FAM186B: variants seen among roughly 807,000 people sequenced by gnomAD.
The protein encoded by FAM186B is family with sequence similarity 186 member B, also known as protein FAM186B.
In FAM186B, 68 loss-of-function variants were observed where a neutral mutation model predicts 83.4. The ratio of observed to expected loss-of-function variants is 0.81; its 90% CI spans 0.67 to 1.00. The LOEUF (loss-of-function observed/expected upper bound fraction) is 1.00. Ranked by LOEUF, FAM186B falls within the 50% of genes least tolerant of loss-of-function variation. The pLI, the probability that FAM186B is intolerant of heterozygous loss-of-function variation, is 0.00. For missense variants in FAM186B, 983 were observed against 1,099.2 expected, an observed-to-expected ratio of 0.89 and a Z score of 1.49; for synonymous variants, 389 against 422.0, an observed-to-expected ratio of 0.92 and a Z score of 0.96.
upstream of FAM186B, among the ~76,000 whole-genome samples, chr12:49,606,243 C>T (rs1183238292): frequency 6.6e-6 from 1 of 151,950 alleles, no homozygotes; most frequent in East Asian, 1.9e-4. Context: ...CCTGTAATCC[C>T]AACAATTTGG....
Position 49,600,478 on chromosome 12 carries a change from C to G in FAM186B, c.1162G>C (p.Gly388Arg). The G allele has an allele frequency of 6.2e-7, 1 of 1,613,682 alleles. No individual in the cohort carries two copies. Among genetic ancestry groups the G allele is most frequent in the South Asian group, 1.1e-5 (1 of 90,994 alleles). ...MIRDSGAIAA[G>R]HQPLSTMTVR... is the part of the protein sequence containing the mutation. ...GTCATGGTGGAAAGTGGCTGGTGCC[C>G]TGCAGCTATAGCACCACTGTCCCGT... The change falls in exon 4 of 7, where the codon GGG (glycine) becomes CGG (arginine). Residue 388 changes from glycine (G) to arginine (R), a missense_variant. Gly to Arg is a moderately radical substitution (Grantham distance 125, BLOSUM62 -2). Transcript: ENST00000257894. The surrounding 1 kb of genome is among the most constrained non-coding windows in gnomAD (Gnocchi z 4.3).
chr12:49,610,305 G>A (rs1210438454), upstream of FAM186B, among the ~76,000 whole-genome samples: 5 of 152,222 alleles, frequency 3.3e-5, no homozygotes, highest in Admixed American at 1.3e-4. Context: ...CCAAAGGATC[G>A]CACTAGATGT....
chr12:49,621,549 T>A, the FAM186B span, among the ~76,000 whole-genome samples: 1 of 152,226 alleles, frequency 6.6e-6, no homozygotes, highest in Non-Finnish European at 1.5e-5. Context: ...AATTCTCTGC[T>A]ATATCTAGAT....
At chr12:49,599,243 A>T (rs1939805132) in intron 4 of FAM186B, among the ~76,000 whole-genome samples, 1 of 152,072 alleles carries the variant, frequency 6.6e-6, no homozygotes, top group East Asian at 1.9e-4. Context: ...GGAAAAGCCC[A>T]CTACAGGGAG....
chr12:49,603,274 G>C lies in FAM186B; in HGVS notation c.416C>G (p.Pro139Arg). Residue 139 changes from proline (P) to arginine (R), a missense_variant, in exon 3 of 7, where the codon CCG becomes CGG. Coordinates refer to ENST00000257894, the MANE Select transcript of FAM186B (RefSeq NM_032130.3). ...TCTTTTGGTGGCAATGAGGGACAGC[G>C]GTAACACTTTCTCCGTCACTTCAAT... The part of the protein sequence containing the change: ...EWIEVTEKVL[P>R]LSLIATKRGI... The C allele has an allele frequency of 6.2e-7, 1 of 1,614,194 alleles. No individual in the cohort carries two copies. Among genetic ancestry groups the C allele is most frequent in the Non-Finnish European group, 8.5e-7 (1 of 1,180,040 alleles).
the FAM186B span, among the ~76,000 whole-genome samples, chr12:49,616,261 C>T: frequency 6.6e-6 from 1 of 152,186 alleles, no homozygotes; most frequent in African/African-American, 2.4e-5. Flanking sequence ...AACTCCTGAC[C>T]TCAGGTCATT....
Position 49,604,721 on chromosome 12 carries a change from T to C in FAM186B, c.97-183A>G, listed in dbSNP as rs1451356391. On this transcript the variant is annotated intron_variant, in intron 1 of 6. Coordinates refer to ENST00000257894, the MANE Select transcript of FAM186B (RefSeq NM_032130.3). ...CTGTAAGGATTAAATGAATTAAATA[T>C]TTTAAAGTGCTTTTAATAGTACCTG... is the stretch of plus-strand genomic sequence containing the variant. 15 of 568,646 alleles carry C rather than the reference T, an allele frequency of 2.6e-5. No homozygotes were observed. The South Asian group carries it at 3.5e-4, about 13-fold the overall frequency. The allele number at this position is 568,646 out of a possible 1,614,324, so 35.2% of individuals were successfully genotyped here.
chr12:49,598,399 C>T (rs931665914), intron 5 of FAM186B, among the ~76,000 whole-genome samples: 13 of 152,256 alleles, frequency 8.5e-5, no homozygotes, highest in African/African-American at 2.9e-4. Flanking sequence ...GAGCAAGGCA[C>T]GGAGAACCAC....
At chr12:49,586,266 T>C (rs1939440429), downstream of FAM186B, among the ~76,000 whole-genome samples, 1 of 152,160 alleles carries the variant, frequency 6.6e-6, no homozygotes. Context: ...ACAGCTCTGC[T>C]TGAGACATGA....
chr12:49,591,031 G>A (rs1414898541), intron 5 of FAM186B, among the ~76,000 whole-genome samples: 1 of 151,986 alleles, frequency 6.6e-6, no homozygotes, highest in Non-Finnish European at 1.5e-5. Context: ...CAGAATAGAT[G>A]AAAAAATGAT....
In FAM186B at chr12:49,605,516, C is replaced by G; in HGVS notation, c.-39G>C. The stretch of plus-strand genomic sequence containing the variant: ...GTCAGTCACAAAACATCCTGTGTTT[C>G]TGGTCCACAGGCCTGGACACACAAT... On this transcript the variant is annotated 5_prime_UTR_variant, in exon 1 of 7. Coordinates refer to ENST00000257894, the MANE Select transcript of FAM186B (RefSeq NM_032130.3). 1.3e-6 allele frequency: 2 copies of G among 1,597,346 alleles called. No individual in the cohort carries two copies. Among genetic ancestry groups the G allele is most frequent in the Non-Finnish European group, 1.7e-6 (2 of 1,171,036 alleles).
chr12:49,602,647 C>A (rs1442378433), intron 3 of FAM186B, among the ~76,000 whole-genome samples: 1 of 152,220 alleles, frequency 6.6e-6, no homozygotes, highest in Non-Finnish European at 1.5e-5. Flanking sequence ...ATGTGTGGGG[C>A]CACAGCCTTT....
At chr12:49,592,682 A>T (rs2138256748) in intron 5 of FAM186B, among the ~76,000 whole-genome samples, 2 of 152,178 alleles carry the variant, frequency 1.3e-5, no homozygotes, top group Middle Eastern at 6.8e-3. Flanking sequence ...GCTACTCAGG[A>T]GGCTGAGGCA....
intron 2 of FAM186B, among the ~76,000 whole-genome samples, chr12:49,603,683 A>G (rs1174392844): frequency 6.6e-6 from 1 of 152,214 alleles, no homozygotes; most frequent in Non-Finnish European, 1.5e-5. Context: ...CTCTATGCCG[A>G]TTGCCTAGTC....
At chr12:49,584,513 C>T (rs368500886), downstream of FAM186B, 51 of 702,338 alleles carry the variant, frequency 7.3e-5, no homozygotes, top group African/African-American at 7.5e-4. Context: ...ATCCTTCTGG[C>T]TTATTTGGGT....
In FAM186B at chr12:49,587,628, G is replaced by A. The variant is rs369704853; in HGVS notation, c.2659C>T (p.Arg887Trp). 80 of 1,613,916 alleles carry A rather than the reference G, an allele frequency of 5.0e-5. No individual in the cohort carries two copies. The highest frequency in any genetic ancestry group is 1.1e-4 in the East Asian group (5 of 44,852). The change falls in exon 7 of 7, where the codon CGG becomes TGG. Residue 887 changes from arginine to tryptophan, a missense_variant. Arg to Trp is a moderately radical substitution (Grantham distance 101, BLOSUM62 -3). Coordinates refer to ENST00000257894, the MANE Select transcript of FAM186B (RefSeq NM_032130.3). ...DQLRGHPDIPRLLTLDV is the reference protein window; with the variant it reads ...DQLRGHPDIPWLLTLDV ...GACTACACGTCCAGTGTCAACAGCC[G>A]GGGAATATCTGGGTGTCCCCTCAGC...
Position 49,600,201 on chromosome 12 carries a change from C to G in FAM186B, c.1439G>C (p.Trp480Ser). ...CATCTCCCGGCCGAATTCCTCCTCCCAGGGCTCCTCTTGGCTCTCAGAGGT... is the reference window on the plus strand; with the variant it reads ...CATCTCCCGGCCGAATTCCTCCTCCGAGGGCTCCTCTTGGCTCTCAGAGGT... The part of the protein sequence containing the change: ...QVTSESQEEP[W>S]EEEFGREMRR... Residue 480 changes from tryptophan (W) to serine (S), a missense_variant, in exon 4 of 7, where the codon TGG becomes TCG. Trp to Ser is a radical substitution (Grantham distance 177). Transcript: ENST00000257894. This position sits in a 1 kb window ranked among gnomAD's most constrained non-coding sequence, Gnocchi z 4.3. The G allele has an allele frequency of 6.2e-7, 1 of 1,612,986 alleles. No individual in the cohort carries two copies. The highest frequency in any genetic ancestry group is 8.5e-7 in the Non-Finnish European group (1 of 1,179,234).
Position 49,598,784 on chromosome 12 carries a change from G to A in FAM186B, c.2335C>T (p.Leu779=). Residue 779 remains leucine, a synonymous_variant, in exon 5 of 7, where the codon CTG becomes TTG. Transcript: ENST00000257894. ...KGLEEKHREC[L]SSMVTMFPKL... ...GGGAACATGGTCACCATGCTGCTCAGGCACTCTCGGTGCTTCTCCTCCAGC... is the reference window on the plus strand; with the variant it reads ...GGGAACATGGTCACCATGCTGCTCAAGCACTCTCGGTGCTTCTCCTCCAGC... 3 of 1,611,504 alleles carry A rather than the reference G, an allele frequency of 1.9e-6. No homozygotes were observed. Among genetic ancestry groups the A allele is most frequent in the Non-Finnish European group, 2.5e-6 (3 of 1,179,722 alleles).
intron 2 of FAM186B, 41 bp from the exon 3 acceptor site, chr12:49,603,408 C>A: frequency 6.2e-7 from 1 of 1,604,110 alleles, no homozygotes. Context: ...AGCAGTCTGT[C>A]CTCCAGGGGG....
Sources: gnomAD v4.1 joint callset for allele counts (sites outside exome capture counted in the v4.1 genomes callset) on GRCh38, gnomAD v4.1.1 for gene constraint, Gnocchi (gnomAD v3.1) non-coding constraint, MANE v1.5 for transcripts, NCBI Gene and HGNC (gene_info 2026-07-23, HGNC 2026-07-21) for gene names.